The following PADI4 variants were observed in gnomAD, a reference collection of about 807,000 sequenced individuals.
PADI4 encodes protein-arginine deiminase type-4.
Under a neutral mutation model 75.0 loss-of-function variants are expected in PADI4, and 62 were observed. That is an observed-to-expected ratio of 0.83 (90% CI 0.67 to 1.02). PADI4 has a LOEUF of 1.02. Among genes scored for constraint, PADI4 ranks in the 50% least tolerant of loss-of-function variants. The probability of loss-of-function intolerance (pLI) is 0.00; values close to 1 mark genes in which losing one functional copy is unlikely to be tolerated. For synonymous variants in PADI4, 361 were observed against 348.1 expected, an observed-to-expected ratio of 1.04 and a Z score of -0.41; for missense variants, 845 against 850.5, an observed-to-expected ratio of 0.99 and a Z score of 0.08.
chr1:17,351,282 G>A (rs2074614958), intron 10 of PADI4, among the ~76,000 whole-genome samples: 1 of 151,296 alleles, frequency 6.6e-6, no homozygotes, highest in Admixed American at 6.6e-5. Flanking sequence ...AGCGTGGTAG[G>A]GAAGGTGGAT....
rs2074617339 is a variant in PADI4, at chr1:17,351,395, A to G, written c.1156-3138A>G. Reference sequence around the variant, plus strand: ...TACTTGAGCCCAGGAGTTCGAGACCAGCCTAGGCACCATAGTCAAACCCTG... The same window carrying G: ...TACTTGAGCCCAGGAGTTCGAGACCGGCCTAGGCACCATAGTCAAACCCTG... On this transcript the variant is annotated intron_variant, in intron 10 of 15. Coordinates refer to ENST00000375448, the MANE Select transcript of PADI4 (RefSeq NM_012387.3). 2.7e-5 allele frequency among the ~76,000 whole-genome samples: 4 copies of G among 150,742 alleles called. No individual in the cohort carries two copies. The South Asian group carries it at 8.4e-4, about 32-fold the overall frequency.
intron 1 of PADI4, 46 bp downstream of exon 1, chr1:17,308,360 C>T (rs145994265): frequency 7.0e-7 from 1 of 1,426,850 alleles, no homozygotes; most frequent in East Asian, 2.3e-5. Flanking sequence ...TCAGGAGATG[C>T]TGGATGACCC....
At position 17,356,505 on chromosome 1, in the gene PADI4, TC is replaced by T; in HGVS notation, c.1558+49del. 8.9e-7 allele frequency: 1 copy of T among 1,127,770 alleles called. No homozygotes were observed. The highest frequency in any genetic ancestry group is 1.3e-6 in the Non-Finnish European group (1 of 751,484). The allele number at this position is 1,127,770 out of a possible 1,614,324, so 69.9% of individuals were successfully genotyped here. A position where few individuals can be genotyped will look rare whatever the true frequency, so the allele number is the denominator to read the frequency against. On this transcript the variant is annotated intron_variant, in intron 13 of 15. Transcript: ENST00000375448. This position sits in a 1 kb window ranked among gnomAD's most constrained non-coding sequence, Gnocchi z 4.1. Reference sequence around the variant, plus strand: ...TCTCCTGTCTGTGCACCTTCCTGCTTCCCATAGTCCGCTGTTGCCTGGAGGG... The same window carrying T: ...TCTCCTGTCTGTGCACCTTCCTGCTTCCATAGTCCGCTGTTGCCTGGAGGG...
intron 3 of PADI4, chr1:17,334,475 G>C (rs1413847405): frequency 2.3e-6 from 1 of 441,308 alleles, no homozygotes; most frequent in South Asian, 1.6e-5. Flanking sequence ...GCTAATTTTT[G>C]TATTTTTAGT....
intron 1 of PADI4, among the ~76,000 whole-genome samples, chr1:17,315,845 G>A (rs1009419879): frequency 3.3e-5 from 5 of 151,914 alleles, no homozygotes; most frequent in Non-Finnish European, 5.9e-5. Context: ...CCTACACTGG[G>A]TTCCCATTCA....
chr1:17,314,537 G>A (rs186770593), intron 1 of PADI4, among the ~76,000 whole-genome samples: 28 of 152,238 alleles, frequency 1.8e-4, no homozygotes, highest in East Asian at 1.5e-3. Context: ...ATTAGTAGCC[G>A]TCCCATACTG....
chr1:17,318,256 G>C (rs1290646997), intron 1 of PADI4, among the ~76,000 whole-genome samples: 3 of 152,218 alleles, frequency 2.0e-5, no homozygotes, highest in Non-Finnish European at 4.4e-5. Context: ...ATGGCACCAG[G>C]CTGGGCTGCA....
intron 1 of PADI4, among the ~76,000 whole-genome samples, chr1:17,308,704 A>G (rs1468862005): frequency 1.3e-5 from 2 of 152,032 alleles, no homozygotes; most frequent in African/African-American, 4.8e-5. Context: ...ACAGTTTGTT[A>G]CCCCACATCT....
rs2074767039 is a variant in PADI4, at chr1:17,356,746, G to A, written c.1558+287G>A. Among the ~76,000 whole-genome samples the A allele has an allele frequency of 6.6e-6, 1 of 152,044 alleles. No homozygotes were observed. Among genetic ancestry groups the A allele is most frequent in the African/African-American group, 2.4e-5 (1 of 41,396 alleles). ...GGGAAGGCTTCTTGGAGGAGGCAGA[G>A]GCCAAGCAGTAGCATGCAAGTAGGG... On this transcript the variant is annotated intron_variant, in intron 13 of 15. Coordinates refer to ENST00000375448, the MANE Select transcript of PADI4 (RefSeq NM_012387.3). The surrounding 1 kb of genome is among the most constrained non-coding windows in gnomAD (Gnocchi z 4.1).
Position 17,337,921 on chromosome 1 carries a change from TAATA to T in PADI4, c.409-101_409-98del, listed in dbSNP as rs1238372123. On this transcript the variant is annotated intron_variant, in intron 4 of 15. Transcript: ENST00000375448. ...AGAGGGAGACTCCGTCTCAAAAAAA[TAATA>T]AATAAATAAATAAATTTTAAAAAAG... 16 of 434,820 alleles carry T rather than the reference TAATA, an allele frequency of 3.7e-5. 1 individual carries two copies. The highest frequency in any genetic ancestry group is 3.5e-4 in the South Asian group (9 of 25,644). The allele number at this position is 434,820 out of a possible 1,614,324, so 26.9% of individuals were successfully genotyped here.
chr1:17,342,198 CCCAGCTGGGCAGGGGGACTCCAA>C (rs377618632), intron 7 of PADI4, 77 bp downstream of exon 7: 5 of 1,493,206 alleles, frequency 3.3e-6, no homozygotes, highest in Non-Finnish European at 3.7e-6. Context: ...GGGTACAGAG[CCCAGCTGGGCAGGGGGACTCCAA>C]ACAGCTGCAG....
At position 17,356,224 on chromosome 1, in the gene PADI4, AC is replaced by A; in HGVS notation, c.1455+100del. Reference sequence around the variant, plus strand: ...AACTTTACTTGTCTATTTCTCCTTCACCCTTAGGATGGCAGTAGAGGAGGTG... The same window carrying A: ...AACTTTACTTGTCTATTTCTCCTTCACCTTAGGATGGCAGTAGAGGAGGTG... On this transcript the variant is annotated intron_variant, in intron 12 of 15. Coordinates refer to ENST00000375448, the MANE Select transcript of PADI4 (RefSeq NM_012387.3). This position sits in a 1 kb window ranked among gnomAD's most constrained non-coding sequence, Gnocchi z 4.1. The A allele has an allele frequency of 7.1e-7, 1 of 1,417,996 alleles. No homozygotes were observed. Among genetic ancestry groups the A allele is most frequent in the Non-Finnish European group, 9.7e-7 (1 of 1,029,894 alleles). 87.8% of individuals were successfully genotyped at this position (1,417,996 alleles called of 1,614,324 possible). A position where few individuals can be genotyped will look rare whatever the true frequency, so the allele number is the denominator to read the frequency against.
chr1:17,344,343 G>A (rs1299764204), intron 8 of PADI4, among the ~76,000 whole-genome samples: 1 of 152,194 alleles, frequency 6.6e-6, no homozygotes, highest in Non-Finnish European at 1.5e-5. Flanking sequence ...GAGCATAAAA[G>A]TTCAGAAAAG....
chr1:17,318,306 A>C (rs2073975690), intron 1 of PADI4, among the ~76,000 whole-genome samples: 1 of 152,196 alleles, frequency 6.6e-6, no homozygotes, highest in Non-Finnish European at 1.5e-5. Flanking sequence ...GCACCCAGAA[A>C]CGTCACTTTG....
intron 1 of PADI4, among the ~76,000 whole-genome samples, chr1:17,311,650 C>G (rs6586520): frequency 6.6e-6 from 1 of 151,810 alleles, no homozygotes; most frequent in Non-Finnish European, 1.5e-5. Context: ...TCAGCCTCCC[C>G]AGTAGCTGGG....
At chr1:17,322,145 T>G (rs1038875822) in intron 1 of PADI4, among the ~76,000 whole-genome samples, 2 of 152,208 alleles carry the variant, frequency 1.3e-5, no homozygotes, top group African/African-American at 4.8e-5. Flanking sequence ...TTCTGTCCTT[T>G]GTCCTGTACC....
Position 17,356,509 on chromosome 1 carries a change from A to G in PADI4, c.1558+50A>G, listed in dbSNP as rs2100248115. On this transcript the variant is annotated intron_variant, in intron 13 of 15. Coordinates refer to ENST00000375448, the MANE Select transcript of PADI4 (RefSeq NM_012387.3). The surrounding 1 kb of genome is among the most constrained non-coding windows in gnomAD (Gnocchi z 4.1). ...CTGTCTGTGCACCTTCCTGCTTCCC[A>G]TAGTCCGCTGTTGCCTGGAGGGAAT... 1 of 1,102,050 alleles carries G rather than the reference A, an allele frequency of 9.1e-7. No homozygotes were observed. The highest frequency in any genetic ancestry group is 2.4e-5 in the East Asian group (1 of 41,990). 68.3% of individuals were successfully genotyped at this position (1,102,050 alleles called of 1,614,324 possible).
intron 6 of PADI4, among the ~76,000 whole-genome samples, chr1:17,341,117 T>TG (rs1012417034): frequency 1.3e-5 from 2 of 149,020 alleles, no homozygotes; most frequent in African/African-American, 5.0e-5. Context: ...TTTTTTTTTT[T>TG]GAGATGGAGT....
intron 10 of PADI4, among the ~76,000 whole-genome samples, chr1:17,352,013 A>T (rs1380788409): frequency 7.1e-4 from 7 of 9,870 alleles, no homozygotes; most frequent in Non-Finnish European, 1.1e-3. Flanking sequence ...TGATGGGAGG[A>T]GAGGCGGCCA....
Sources: gnomAD v4.1 joint callset for allele counts (sites outside exome capture counted in the v4.1 genomes callset) on GRCh38, gnomAD v4.1.1 for gene constraint, Gnocchi (gnomAD v3.1) non-coding constraint, MANE v1.5 for transcripts, NCBI Gene and HGNC (gene_info 2026-07-23, HGNC 2026-07-21) for gene names.